DDR2: variants seen among roughly 807,000 people sequenced by gnomAD.
DDR2 encodes the protein discoidin domain receptor tyrosine kinase 2.
A neutral mutation model predicts 94.9 loss-of-function variants in DDR2; 27 were observed. The observed-to-expected ratio is 0.28, with a 90% CI of 0.21 to 0.39. The LOEUF is 0.39. Among genes scored for constraint, DDR2 ranks in the 10% least tolerant of loss-of-function variants. The probability of loss-of-function intolerance (pLI) is 1.00; values close to 1 mark genes in which losing one functional copy is unlikely to be tolerated. For missense variants in DDR2, 783 were observed against 1,076.0 expected, an observed-to-expected ratio of 0.73 and a Z score of 3.81; for synonymous variants, 382 against 377.2, an observed-to-expected ratio of 1.01 and a Z score of -0.15.
intron 9 of DDR2, 131 bp downstream of exon 9, chr1:162,761,585 C>T (rs562274395): frequency 2.2e-5 from 32 of 1,425,564 alleles, no homozygotes; most frequent in South Asian, 8.5e-5. Flanking sequence ...TTGACGGATA[C>T]GGTGAATCCT....
intron 2 of DDR2, among the ~76,000 whole-genome samples, chr1:162,673,572 A>ATTATG (rs1299091741): frequency 7.0e-6 from 1 of 143,058 alleles, no homozygotes; most frequent in Non-Finnish European, 1.5e-5. Context: ...ATCATCTGTC[A>ATTATG]TTATGTGCGT....
intron 3 of DDR2, among the ~76,000 whole-genome samples, chr1:162,746,350 C>T (rs929019168): frequency 8.5e-5 from 13 of 152,218 alleles, no homozygotes; most frequent in Admixed American, 5.2e-4. Context: ...GGGTCCCACG[C>T]CCACGGAGCC....
At chr1:162,756,123 G>A (rs1663453917) in intron 7 of DDR2, among the ~76,000 whole-genome samples, 1 of 152,120 alleles carries the variant, frequency 6.6e-6, no homozygotes, top group African/African-American at 2.4e-5. Flanking sequence ...CCAGAGAATT[G>A]AAGTAATAAG....
chr1:162,703,401 A>G (rs987016926), intron 2 of DDR2, among the ~76,000 whole-genome samples: 1 of 152,102 alleles, frequency 6.6e-6, no homozygotes. Context: ...TTCTCATCAG[A>G]AGAGGGGTGA....
At chr1:162,747,313 G>C (rs113989442) in intron 3 of DDR2, among the ~76,000 whole-genome samples, 1 of 152,198 alleles carries the variant, frequency 6.6e-6, no homozygotes, top group East Asian at 1.9e-4. Context: ...AAACAGTGTA[G>C]AGAAGACCTT....
intron 1 of DDR2, among the ~76,000 whole-genome samples, chr1:162,637,595 T>C (rs1571126096): frequency 6.6e-6 from 1 of 152,196 alleles, no homozygotes; most frequent in African/African-American, 2.4e-5. Flanking sequence ...TTATTATTTA[T>C]GCCCTATTTG....
intron 2 of DDR2, among the ~76,000 whole-genome samples, chr1:162,664,770 AAAAAT>A (rs1658466242): frequency 1.3e-5 from 2 of 152,214 alleles, no homozygotes; most frequent in Non-Finnish European, 2.9e-5. Flanking sequence ...TTTTCATCAG[AAAAAT>A]AAATGAGTTA....
At chr1:162,694,419 A>G (rs1310940710) in intron 2 of DDR2, among the ~76,000 whole-genome samples, 3 of 152,098 alleles carry the variant, frequency 2.0e-5, no homozygotes, top group Non-Finnish European at 1.5e-5. Context: ...ATGAGGGTGC[A>G]TCTACCTGTG....
intron 2 of DDR2, among the ~76,000 whole-genome samples, chr1:162,695,632 A>G (rs1206591883): frequency 1.3e-5 from 2 of 152,174 alleles, no homozygotes; most frequent in South Asian, 2.1e-4. Context: ...TTGAGCAGGG[A>G]CTTAAAATGG....
intron 11 of DDR2, 82 bp downstream of exon 11, chr1:162,767,441 A>G (rs1664053718): frequency 6.4e-7 from 1 of 1,564,836 alleles, no homozygotes; most frequent in East Asian, 2.3e-5. Context: ...GTAAAAGGCA[A>G]ATTGCAAACA....
intron 3 of DDR2, among the ~76,000 whole-genome samples, chr1:162,733,878 C>T (rs1662173030): frequency 6.6e-6 from 1 of 152,244 alleles, no homozygotes; most frequent in African/African-American, 2.4e-5. Context: ...ACACCATCAT[C>T]ACTTTAATCC....
intron 7 of DDR2, 109 bp downstream of exon 7, chr1:162,755,878 T>C (rs1417739311): frequency 2.1e-6 from 2 of 961,052 alleles, no homozygotes; most frequent in Admixed American, 3.9e-5. Context: ...ATTTATTTAG[T>C]TCTTGTACAA....
At chr1:162,722,796 G>C (rs916390498) in intron 3 of DDR2, among the ~76,000 whole-genome samples, 1 of 152,168 alleles carries the variant, frequency 6.6e-6, no homozygotes. Context: ...AGTTGGATTA[G>C]ATAATCTATG....
chr1:162,640,694 T>C (rs1657086456), intron 1 of DDR2, among the ~76,000 whole-genome samples: 1 of 152,204 alleles, frequency 6.6e-6, no homozygotes, highest in African/African-American at 2.4e-5. Flanking sequence ...TACCCTAAAC[T>C]TAAATGATAT....
intron 15 of DDR2, 52 bp downstream of exon 15, chr1:162,775,895 G>T (rs1412320421): frequency 6.2e-7 from 1 of 1,608,112 alleles, no homozygotes; most frequent in Non-Finnish European, 8.5e-7. Context: ...GAGTAACCTG[G>T]GATCTGAAAA....
intron 2 of DDR2, among the ~76,000 whole-genome samples, chr1:162,678,588 A>G (rs76349690): frequency 0.061 from 9,312 of 152,332 alleles, 354 homozygotes; most frequent in Admixed American, 0.081. Context: ...GGAGTAAGTC[A>G]CTGAGTAATC....
At chr1:162,685,546 T>C (rs1045797409) in intron 2 of DDR2, among the ~76,000 whole-genome samples, 1 of 151,920 alleles carries the variant, frequency 6.6e-6, no homozygotes, top group African/African-American at 2.4e-5. Context: ...AGGTATATAA[T>C]TGTGGACAAG....
chr1:162,696,219 A>C (rs1461012431), intron 2 of DDR2, among the ~76,000 whole-genome samples: 6 of 151,458 alleles, frequency 4.0e-5, no homozygotes, highest in African/African-American at 1.2e-4. Context: ...TTTTTTAAAA[A>C]AAAAACAAAA....
chr1:162,739,508 T>C (rs1459444208), intron 3 of DDR2, among the ~76,000 whole-genome samples: 1 of 152,004 alleles, frequency 6.6e-6, no homozygotes, highest in Admixed American at 6.6e-5. Flanking sequence ...GGTTTTACCA[T>C]GTTGGCCAGT....
Sources: allele counts gnomAD v4.1 joint callset (sites outside exome capture counted in the v4.1 genomes callset), GRCh38; gene constraint gnomAD v4.1.1; transcripts MANE v1.5; gene names NCBI Gene and HGNC (gene_info 2026-07-23, HGNC 2026-07-21).